Variants in RUFY1 observed in about 807,000 individuals in gnomAD.
The protein encoded by RUFY1 is RUN and FYVE domain-containing protein 1.
Under a neutral mutation model 94.6 loss-of-function variants are expected in RUFY1, and 54 were observed. The ratio of observed to expected loss-of-function variants is 0.57; its 90% CI spans 0.46 to 0.72. The LOEUF is 0.72. RUFY1 is among the 30% of genes least tolerant of loss of function. The pLI, the probability that RUFY1 is intolerant of heterozygous loss-of-function variation, is 0.00. For missense variants in RUFY1, 883 were observed against 883.9 expected (o/e 1.00, Z 0.01); for synonymous variants, 396 against 347.3 (o/e 1.14, Z -1.56).
chr5:179,582,441 G>A (rs775936131), intron 7 of RUFY1, among the ~76,000 whole-genome samples: 1 of 152,036 alleles, frequency 6.6e-6, no homozygotes, highest in Non-Finnish European at 1.5e-5. Flanking sequence ...TGCCCAAGGT[G>A]GTCTCAAACT....
chr5:179,572,587 G>C lies in RUFY1; in HGVS notation c.828+3162G>C, dbSNP rs1394579219. On this transcript the variant is annotated intron_variant, in intron 5 of 17. Transcript: ENST00000319449. ...TTTGCCAGATCACTGTTAATGATTT[G>C]CCTCTGGGGTGCTCCATGGATGAGG... 5 of 229,528 alleles carry C rather than the reference G, an allele frequency of 2.2e-5. No individual in the cohort carries two copies. In the East Asian group the frequency reaches 6.1e-4, roughly 28 times the overall value. 14.2% of individuals were successfully genotyped at this position (229,528 alleles called of 1,614,324 possible).
Position 179,550,846 on chromosome 5 carries a change from G to GGCGGGGACA in RUFY1, c.286_294dup (p.Ser96_Asp98dup), listed in dbSNP as rs907570863. The GGCGGGGACA allele has an allele frequency of 6.6e-6, 8 of 1,220,014 alleles. No homozygotes were observed. Among genetic ancestry groups the GGCGGGGACA allele is most frequent in the Non-Finnish European group, 7.1e-6 (7 of 984,072 alleles). 75.6% of individuals were successfully genotyped at this position (1,220,014 alleles called of 1,614,324 possible). A position where few individuals can be genotyped will look rare whatever the true frequency, so the allele number is the denominator to read the frequency against. On this transcript the variant is annotated inframe_insertion, in exon 1 of 18. Transcript: ENST00000319449. ...GCTGCGCGCGGCCGCGGGGCTGGGC[G>GGCGGGGACA]GCGGGGACAGCGGGGACGGCACGGC...
chr5:179,556,337 T>C (rs1298866323), intron 1 of RUFY1, among the ~76,000 whole-genome samples: 1 of 152,184 alleles, frequency 6.6e-6, no homozygotes, highest in Non-Finnish European at 1.5e-5. Flanking sequence ...GCAAAAAGTA[T>C]GTAAATAAGT....
intron 16 of RUFY1, 112 bp downstream of exon 16, chr5:179,606,036 G>A (rs1427744391): frequency 1.3e-6 from 1 of 754,032 alleles, no homozygotes. Context: ...TGAGGCAGTG[G>A]TGATGACGTA....
At chr5:179,589,254 G>A (rs1460137172) in intron 8 of RUFY1, 1 of 334,766 alleles carries the variant, frequency 3.0e-6, no homozygotes, top group Non-Finnish European at 5.6e-6. Flanking sequence ...CTAATTTTTT[G>A]TGTCTATAAA....
intron 1 of RUFY1, among the ~76,000 whole-genome samples, chr5:179,552,946 C>T (rs560086438): frequency 6.6e-6 from 1 of 152,382 alleles, no homozygotes; most frequent in Admixed American, 6.5e-5. Context: ...TTCCTCACAA[C>T]AACCCTATGT....
chr5:179,552,492 C>T (rs541925581), intron 1 of RUFY1, among the ~76,000 whole-genome samples: 3 of 152,126 alleles, frequency 2.0e-5, no homozygotes, highest in Non-Finnish European at 4.4e-5. Flanking sequence ...GTTTTGAGAT[C>T]CTGGCAGTGG....
chr5:179,581,551 C>T (rs1425206235), intron 7 of RUFY1, among the ~76,000 whole-genome samples: 4 of 151,512 alleles, frequency 2.6e-5, no homozygotes, highest in Non-Finnish European at 1.5e-5. Flanking sequence ...TTTCTGAGTC[C>T]CCTCTAGAGA....
chr5:179,577,859 CAAAAAAAAA>C (rs35539667), intron 6 of RUFY1, among the ~76,000 whole-genome samples: 58,964 of 134,668 alleles, frequency 0.44, 12,283 homozygotes, highest in East Asian at 0.74. Context: ...TTCTCTGCAG[CAAAAAAAAA>C]AAAAAAAAAA....
intron 3 of RUFY1, among the ~76,000 whole-genome samples, chr5:179,565,650 A>G (rs1414344929): frequency 6.6e-6 from 1 of 152,202 alleles, no homozygotes; most frequent in Admixed American, 6.5e-5. Context: ...AAATGGCCAA[A>G]TAATATTCTG....
rs1401155073 is a variant in RUFY1, at chr5:179,560,024, G to A, written c.311-1G>A. 2 of 1,612,888 alleles carry A rather than the reference G, an allele frequency of 1.2e-6. No homozygotes were observed. Among genetic ancestry groups the A allele is most frequent in the Non-Finnish European group, 1.7e-6 (2 of 1,179,434 alleles). Reference sequence around the variant, plus strand: ...AAGCTATCCCTGCTCCTGCCCCACAGCTTCTAAGTGCCAGATGATGGAGGA... The same window carrying A: ...AAGCTATCCCTGCTCCTGCCCCACAACTTCTAAGTGCCAGATGATGGAGGA... On this transcript the variant is annotated splice_acceptor_variant, in intron 1 of 17. Coordinates refer to ENST00000319449, the MANE Select transcript of RUFY1 (RefSeq NM_025158.5). LOFTEE classifies it high-confidence loss of function.
At chr5:179,590,446 G>A (rs996496592) in intron 9 of RUFY1, among the ~76,000 whole-genome samples, 7 of 151,912 alleles carry the variant, frequency 4.6e-5, no homozygotes, top group African/African-American at 1.7e-4. Flanking sequence ...GTTGAATGAG[G>A]GTTTTTCCTG....
At chr5:179,580,347 A>G (rs1301144976) in intron 6 of RUFY1, among the ~76,000 whole-genome samples, 1 of 149,768 alleles carries the variant, frequency 6.7e-6, no homozygotes, top group Non-Finnish European at 1.5e-5. Flanking sequence ...GGTTCACGCC[A>G]TTCTCCTGCC....
chr5:179,596,525 T>A (rs780215352), intron 12 of RUFY1, 37 bp from the exon 13 acceptor site: 1 of 1,613,346 alleles, frequency 6.2e-7, no homozygotes, highest in African/African-American at 1.3e-5. Flanking sequence ...CTTACAAAGA[T>A]TTGCTTCATT....
chr5:179,554,064 G>A (rs1002734737), intron 1 of RUFY1, among the ~76,000 whole-genome samples: 6 of 152,180 alleles, frequency 3.9e-5, no homozygotes, highest in African/African-American at 1.4e-4. Context: ...CCAGGCCCAA[G>A]GCTGACTCAT....
chr5:179,570,986 T>C (rs1250706529), intron 5 of RUFY1, among the ~76,000 whole-genome samples: 3 of 152,154 alleles, frequency 2.0e-5, no homozygotes, highest in African/African-American at 2.4e-5. Flanking sequence ...GTTTGTGTAT[T>C]TTAGAGTGAG....
intron 6 of RUFY1, among the ~76,000 whole-genome samples, chr5:179,577,501 T>C (rs1183422368): frequency 1.3e-5 from 2 of 149,522 alleles, no homozygotes; most frequent in Non-Finnish European, 3.0e-5. Flanking sequence ...CAAAGGCGGG[T>C]CTTTGGGGCT....
chr5:179,577,090 T>G lies in RUFY1; in HGVS notation c.844T>G (p.Phe282Val). The G allele has an allele frequency of 6.2e-7, 1 of 1,605,452 alleles. No homozygotes were observed. Among genetic ancestry groups the G allele is most frequent in the Non-Finnish European group, 8.5e-7 (1 of 1,172,716 alleles). Reference protein sequence around the residue: ...DLDSQVGVIDFSLYLKDVQDL... With the variant: ...DLDSQVGVIDVSLYLKDVQDL... ...TTTCGTTTAGGTTGGAGTAATAGATTTTTCCCTCTACCTTAAGGATGTGCA... is the reference window on the plus strand; with the variant it reads ...TTTCGTTTAGGTTGGAGTAATAGATGTTTCCCTCTACCTTAAGGATGTGCA... The change falls in exon 6 of 18, where the codon TTT becomes GTT. Residue 282 changes from phenylalanine (F) to valine (V), a missense_variant. Transcript: ENST00000319449.
Position 179,609,616 on chromosome 5 carries a change from A to G in RUFY1, c.*97A>G, listed in dbSNP as rs1300635657. 5.6e-6 allele frequency: 7 copies of G among 1,248,820 alleles called. No homozygotes were observed. In the East Asian group the frequency reaches 1.7e-4, roughly 29 times the overall value. 77.4% of individuals were successfully genotyped at this position (1,248,820 alleles called of 1,614,324 possible). ...TGTTCTTTCCCAAGAGTATCAAAGG[A>G]AAGAATCAAATTTCTTGCCCGGTCA... On this transcript the variant is annotated 3_prime_UTR_variant, in exon 18 of 18. Transcript: ENST00000319449.
Sources: allele counts gnomAD v4.1 joint callset (sites outside exome capture counted in the v4.1 genomes callset), GRCh38; gene constraint gnomAD v4.1.1; transcripts MANE v1.5; gene names NCBI Gene and HGNC (gene_info 2026-07-23, HGNC 2026-07-21).